Variants in ITGBL1 observed in about 807,000 individuals in gnomAD.
ITGBL1 encodes the protein integrin beta-like protein 1.
In ITGBL1, 51 loss-of-function variants were observed where a neutral mutation model predicts 68.5. The ratio of observed to expected loss-of-function variants is 0.74; its 90% CI spans 0.59 to 0.94. The LOEUF is 0.94. Ranked by LOEUF, ITGBL1 falls within the 40% of genes least tolerant of loss-of-function variation. ITGBL1 has a pLI of 0.00. For synonymous variants in ITGBL1, 209 were observed against 227.3 expected, an observed-to-expected ratio of 0.92 and a Z score of 0.72; for missense variants, 649 against 647.4, an observed-to-expected ratio of 1.00 and a Z score of -0.03.
chr13:101,675,293 C>G (rs1305678471), intron 7 of ITGBL1, among the ~76,000 whole-genome samples: 2 of 151,510 alleles, frequency 1.3e-5, no homozygotes, highest in African/African-American at 4.8e-5. Flanking sequence ...TATTTATTCT[C>G]TTTATGTTCC....
intron 2 of ITGBL1, among the ~76,000 whole-genome samples, chr13:101,538,567 A>T (rs1319406590): frequency 6.6e-6 from 1 of 152,156 alleles, no homozygotes; most frequent in Non-Finnish European, 1.5e-5. Context: ...CATTTTTGAA[A>T]AACATAACAC....
At chr13:101,583,741 C>T (rs1263213513) in intron 6 of ITGBL1, among the ~76,000 whole-genome samples, 1 of 152,216 alleles carries the variant, frequency 6.6e-6, no homozygotes, top group Non-Finnish European at 1.5e-5. Context: ...CTGATTCTCA[C>T]ATACCCTGTA....
intron 2 of ITGBL1, among the ~76,000 whole-genome samples, chr13:101,507,920 G>T (rs766916935): frequency 1.5e-4 from 23 of 152,116 alleles, no homozygotes; most frequent in Non-Finnish European, 2.9e-4. Flanking sequence ...AGTTTTTAAG[G>T]CACCAAACCT....
At chr13:101,535,370 T>G (rs2049555415) in intron 2 of ITGBL1, among the ~76,000 whole-genome samples, 1 of 152,106 alleles carries the variant, frequency 6.6e-6, no homozygotes, top group African/African-American at 2.4e-5. Context: ...GCTGTGTTCT[T>G]CTGGGAGTGC....
chr13:101,480,745 G>A (rs4771398), intron 2 of ITGBL1, among the ~76,000 whole-genome samples: 29,553 of 151,856 alleles, frequency 0.19, 3,456 homozygotes, highest in East Asian at 0.43. Flanking sequence ...TAGGTTTATA[G>A]TATAGCATAA....
At chr13:101,489,565 A>G (rs1260095806) in intron 2 of ITGBL1, among the ~76,000 whole-genome samples, 1 of 152,196 alleles carries the variant, frequency 6.6e-6, no homozygotes, top group Non-Finnish European at 1.5e-5. Flanking sequence ...AGTTGAATAT[A>G]TATCAGATAT....
intron 7 of ITGBL1, among the ~76,000 whole-genome samples, chr13:101,684,995 T>C (rs1158946649): frequency 6.6e-6 from 1 of 152,014 alleles, no homozygotes; most frequent in Non-Finnish European, 1.5e-5. Flanking sequence ...CATTTTACAT[T>C]GTTCAGCTTA....
intron 7 of ITGBL1, among the ~76,000 whole-genome samples, chr13:101,614,911 C>G (rs1443065509): frequency 2.6e-5 from 4 of 152,132 alleles, no homozygotes; most frequent in Non-Finnish European, 4.4e-5. Flanking sequence ...CAGGTGACCC[C>G]TTGTGATCCA....
At chr13:101,554,426 G>A (rs1031483114) in intron 2 of ITGBL1, among the ~76,000 whole-genome samples, 1 of 152,182 alleles carries the variant, frequency 6.6e-6, no homozygotes, top group African/African-American at 2.4e-5. Context: ...TTCTCTAGCT[G>A]CTGTCTTACA....
chr13:101,527,189 C>T (rs546549219), intron 2 of ITGBL1, among the ~76,000 whole-genome samples: 5 of 152,220 alleles, frequency 3.3e-5, no homozygotes, highest in Non-Finnish European at 5.9e-5. Context: ...ATTCTAACTT[C>T]ATGATCAAGA....
chr13:101,556,372 C>T (rs2050005507), intron 2 of ITGBL1, among the ~76,000 whole-genome samples: 1 of 152,192 alleles, frequency 6.6e-6, no homozygotes, highest in Admixed American at 6.5e-5. Flanking sequence ...CACGGTGGCT[C>T]ATGCCTGTAA....
intron 2 of ITGBL1, among the ~76,000 whole-genome samples, chr13:101,489,373 T>TCTA (rs2139056366): frequency 6.6e-6 from 1 of 152,300 alleles, no homozygotes; most frequent in South Asian, 2.1e-4. Flanking sequence ...GGGATCAAAT[T>TCTA]CTACTTCTTT....
chr13:101,605,990 ATG>A, intron 7 of ITGBL1, among the ~76,000 whole-genome samples: 1 of 146,644 alleles, frequency 6.8e-6, no homozygotes, highest in East Asian at 2.0e-4. Context: ...GTGTATATAT[ATG>A]TGTATATATA....
chr13:101,481,945 G>A (rs1044689208), intron 2 of ITGBL1, among the ~76,000 whole-genome samples: 3 of 152,070 alleles, frequency 2.0e-5, no homozygotes, highest in African/African-American at 2.4e-5. Flanking sequence ...AGGGGAATGT[G>A]GTGGGGCCAG....
At chr13:101,551,873 G>A (rs2049925983) in intron 2 of ITGBL1, among the ~76,000 whole-genome samples, 1 of 152,202 alleles carries the variant, frequency 6.6e-6, no homozygotes, top group African/African-American at 2.4e-5. Context: ...GTAAAACTAA[G>A]TGAAGATTAT....
intron 2 of ITGBL1, among the ~76,000 whole-genome samples, chr13:101,480,265 T>C (rs1048442014): frequency 6.6e-6 from 1 of 151,942 alleles, no homozygotes; most frequent in Non-Finnish European, 1.5e-5. Flanking sequence ...GAGCTAAAAA[T>C]CAATGCAATT....
At chr13:101,497,790 T>C (rs2048878081) in intron 2 of ITGBL1, among the ~76,000 whole-genome samples, 1 of 152,158 alleles carries the variant, frequency 6.6e-6, no homozygotes, top group African/African-American at 2.4e-5. Flanking sequence ...GGGAAGATTT[T>C]AACTCTGATG....
chr13:101,482,588 C>T (rs1382912905), intron 2 of ITGBL1, among the ~76,000 whole-genome samples: 2 of 151,986 alleles, frequency 1.3e-5, no homozygotes, highest in Admixed American at 6.6e-5. Context: ...CCTAAATATA[C>T]CATGAAATTT....
At chr13:101,659,750 C>T (rs1027991368) in intron 7 of ITGBL1, among the ~76,000 whole-genome samples, 8 of 152,094 alleles carry the variant, frequency 5.3e-5, no homozygotes, top group African/African-American at 1.7e-4. Flanking sequence ...TGTGAGCCAC[C>T]GCACAGGTCC....
Sources: gnomAD v4.1 joint callset for allele counts (sites outside exome capture counted in the v4.1 genomes callset) on GRCh38, gnomAD v4.1.1 for gene constraint, MANE v1.5 for transcripts, NCBI Gene and HGNC (gene_info 2026-07-23, HGNC 2026-07-21) for gene names.